Variants in NOS1AP observed in about 807,000 individuals in gnomAD.
The protein encoded by NOS1AP is carboxyl-terminal PDZ ligand of neuronal nitric oxide synthase protein.
Under a neutral mutation model 56.2 loss-of-function variants are expected in NOS1AP, and 21 were observed. The ratio of observed to expected loss-of-function variants is 0.37; its 90% CI spans 0.26 to 0.54. NOS1AP has a LOEUF of 0.54. Ranked by LOEUF, NOS1AP falls within the 20% of genes least tolerant of loss-of-function variation. The pLI, the probability that NOS1AP is intolerant of heterozygous loss-of-function variation, is 0.84. For missense variants in NOS1AP, 522 were observed against 657.8 expected, an observed-to-expected ratio of 0.79 and a Z score of 2.26; for synonymous variants, 270 against 274.6, an observed-to-expected ratio of 0.98 and a Z score of 0.17.
At chr1:162,290,614 A>G (rs1454022164) in intron 3 of NOS1AP, among the ~76,000 whole-genome samples, 1 of 152,188 alleles carries the variant, frequency 6.6e-6, no homozygotes, top group African/African-American at 2.4e-5. Context: ...AGGTGTAGAG[A>G]GAGCCATAGC....
chr1:162,152,088 A>C (rs1231258631), intron 1 of NOS1AP, among the ~76,000 whole-genome samples: 1 of 152,142 alleles, frequency 6.6e-6, no homozygotes, highest in Non-Finnish European at 1.5e-5. Context: ...TGGCTTTCTC[A>C]GTCCAGCAGT....
At position 162,367,479 on chromosome 1, in the gene NOS1AP, G is replaced by A; in HGVS notation, c.*12G>A. The A allele has an allele frequency of 6.5e-7, 1 of 1,542,218 alleles. No individual in the cohort carries two copies. Among genetic ancestry groups the A allele is most frequent in the South Asian group, 1.2e-5 (1 of 84,646 alleles). ...AGATCGCCGTGTAGGTGCCGAGGGCGAGGAGATGGAGGCGGCGGCGTGGCT... is the reference window on the plus strand; with the variant it reads ...AGATCGCCGTGTAGGTGCCGAGGGCAAGGAGATGGAGGCGGCGGCGTGGCT... On this transcript the variant is annotated 3_prime_UTR_variant, in exon 10 of 10. Coordinates refer to ENST00000361897, the MANE Select transcript of NOS1AP (RefSeq NM_014697.3). This position sits in a 1 kb window ranked among gnomAD's most constrained non-coding sequence, Gnocchi z 6.5.
At chr1:162,344,684 T>C (rs347277) in intron 6 of NOS1AP, among the ~76,000 whole-genome samples, 144,465 of 151,318 alleles carry the variant, frequency 0.95, 69,349 homozygotes, top group Middle Eastern at 1. Context: ...GCACTCCAGC[T>C]TGGGCTACAG....
chr1:162,306,405 A>G (rs2101760970), intron 4 of NOS1AP, among the ~76,000 whole-genome samples: 1 of 152,286 alleles, frequency 6.6e-6, no homozygotes, highest in East Asian at 1.9e-4. Flanking sequence ...CTTGACATCC[A>G]TTCTCTCCCA....
intron 4 of NOS1AP, among the ~76,000 whole-genome samples, chr1:162,330,873 G>T (rs1656745490): frequency 6.6e-6 from 1 of 152,166 alleles, no homozygotes; most frequent in African/African-American, 2.4e-5. Context: ...GAGCGAGTCT[G>T]CAAGGAACTT....
At chr1:162,357,295 G>A (rs2101821739) in intron 8 of NOS1AP, 159 bp downstream of exon 8, 1 of 1,334,276 alleles carries the variant, frequency 7.5e-7, no homozygotes, top group Non-Finnish European at 1.0e-6. Flanking sequence ...GGCAGCGGGA[G>A]GGGGATAGAT....
At chr1:162,321,618 A>C (rs2101781104) in intron 4 of NOS1AP, among the ~76,000 whole-genome samples, 1 of 151,984 alleles carries the variant, frequency 6.6e-6, no homozygotes, top group Non-Finnish European at 1.5e-5. Flanking sequence ...TACCTAATGT[A>C]AATGACGAGT....
At chr1:162,075,030 C>CAG (rs1691739183) in intron 1 of NOS1AP, among the ~76,000 whole-genome samples, 2 of 152,226 alleles carry the variant, frequency 1.3e-5, no homozygotes, top group Non-Finnish European at 2.9e-5. Context: ...ATAAGCCCTA[C>CAG]TTCTTGATGG....
At chr1:162,319,677 A>C (rs1020723577) in intron 4 of NOS1AP, among the ~76,000 whole-genome samples, 4 of 151,874 alleles carry the variant, frequency 2.6e-5, no homozygotes, top group African/African-American at 7.3e-5. Context: ...CACTGTCCTC[A>C]GTGCCCAGGG....
At chr1:162,223,571 A>G (rs1049857394) in intron 2 of NOS1AP, among the ~76,000 whole-genome samples, 4 of 152,064 alleles carry the variant, frequency 2.6e-5, no homozygotes. Context: ...AAGAAATCTG[A>G]GGTTAAGATC....
intron 2 of NOS1AP, among the ~76,000 whole-genome samples, chr1:162,273,708 G>A (rs116709587): frequency 6.6e-6 from 1 of 151,982 alleles, no homozygotes; most frequent in East Asian, 1.9e-4. Flanking sequence ...TTGATTTTGG[G>A]GGTATAGTAT....
rs1651284276 is a variant in NOS1AP at position 162,182,119 on chromosome 1, C to G, written c.177+27643C>G. On this transcript the variant is annotated intron_variant, in intron 2 of 9. Transcript: ENST00000361897. ...AAGCCAGGGTCTGGAGAGATTTGAA[C>G]ACAAAGTCACATGGCTTTTTACTCA... Among the ~76,000 whole-genome samples, 4 of 152,320 alleles carry G rather than the reference C, an allele frequency of 2.6e-5. No homozygotes were observed. The South Asian group carries it at 8.3e-4, about 32-fold the overall frequency.
At chr1:162,179,968 G>A (rs1406266249) in intron 2 of NOS1AP, among the ~76,000 whole-genome samples, 1 of 152,172 alleles carries the variant, frequency 6.6e-6, no homozygotes, top group East Asian at 1.9e-4. Flanking sequence ...GCTGGCTGCT[G>A]GCAAGAATGT....
chr1:162,296,801 G>A (rs759360157), intron 3 of NOS1AP, among the ~76,000 whole-genome samples: 4 of 152,170 alleles, frequency 2.6e-5, no homozygotes, highest in African/African-American at 7.2e-5. Context: ...GAGGCGCATC[G>A]CAAGCCTTGG....
intron 2 of NOS1AP, 49 bp downstream of exon 2, chr1:162,154,525 G>A: frequency 1.9e-6 from 3 of 1,588,490 alleles, no homozygotes; most frequent in Non-Finnish European, 1.7e-6. Context: ...AAGTGCCTTA[G>A]CTGCTGGCCC....
chr1:162,089,142 G>A (rs1457143498), intron 1 of NOS1AP, among the ~76,000 whole-genome samples: 1 of 152,028 alleles, frequency 6.6e-6, no homozygotes, highest in Non-Finnish European at 1.5e-5. Context: ...GGTCTTTTTT[G>A]GTGAACAGAG....
chr1:162,276,942 G>A (rs1654750754), intron 2 of NOS1AP, among the ~76,000 whole-genome samples: 1 of 152,118 alleles, frequency 6.6e-6, no homozygotes, highest in Non-Finnish European at 1.5e-5. Context: ...TTGAATGTTA[G>A]CACTGAAAGA....
At chr1:162,105,071 C>T (rs1647441865) in intron 1 of NOS1AP, among the ~76,000 whole-genome samples, 1 of 152,094 alleles carries the variant, frequency 6.6e-6, no homozygotes, top group African/African-American at 2.4e-5. Flanking sequence ...GGTTGCTGAC[C>T]TTTGAATAGG....
intron 1 of NOS1AP, among the ~76,000 whole-genome samples, chr1:162,071,622 G>A (rs940948131): frequency 3.9e-5 from 6 of 152,200 alleles, no homozygotes; most frequent in African/African-American, 1.2e-4. Context: ...TACTGGGTAT[G>A]GCTGGGACAG....
Sources: gnomAD v4.1 joint callset for allele counts (sites outside exome capture counted in the v4.1 genomes callset) on GRCh38, gnomAD v4.1.1 for gene constraint, Gnocchi (gnomAD v3.1) non-coding constraint, MANE v1.5 for transcripts, NCBI Gene and HGNC (gene_info 2026-07-23, HGNC 2026-07-21) for gene names.